VEGFC: variants seen among roughly 807,000 people sequenced by gnomAD.
The protein encoded by VEGFC is FLT4 ligand DHM.
A neutral mutation model predicts 46.1 loss-of-function variants in VEGFC; 12 were observed. The observed-to-expected ratio is 0.26, with a 90% CI of 0.17 to 0.42. The LOEUF is 0.42. Ranked by LOEUF, VEGFC falls within the 10% of genes least tolerant of loss-of-function variation. The pLI, the probability that VEGFC is intolerant of heterozygous loss-of-function variation, is 1.00. For missense variants in VEGFC, 488 were observed against 529.4 expected, an observed-to-expected ratio of 0.92 and a Z score of 0.77; for synonymous variants, 232 against 195.5, an observed-to-expected ratio of 1.19 and a Z score of -1.56.
intron 1 of VEGFC, among the ~76,000 whole-genome samples, chr4:176,787,154 A>C (rs1039978724): frequency 1.3e-5 from 2 of 152,160 alleles, no homozygotes; most frequent in Non-Finnish European, 2.9e-5. Context: ...TATAGCACCA[A>C]ATAATTTAAG....
intron 1 of VEGFC, among the ~76,000 whole-genome samples, chr4:176,757,716 T>C (rs761123718): frequency 1.3e-5 from 2 of 152,004 alleles, no homozygotes. Flanking sequence ...GTTTTCTCCA[T>C]TGTCTTTTTC....
At chr4:176,706,261 T>G (rs1734532426) in intron 4 of VEGFC, 1 of 141,542 alleles carries the variant, frequency 7.1e-6, no homozygotes, top group South Asian at 2.4e-4. Context: ...ACGTATAGTT[T>G]TTGGATGACT....
intron 4 of VEGFC, among the ~76,000 whole-genome samples, chr4:176,688,188 G>A (rs1339680450): frequency 1.3e-5 from 2 of 152,162 alleles, no homozygotes; most frequent in African/African-American, 4.8e-5. Context: ...ACATTGGTTT[G>A]TATAATCATA....
intron 3 of VEGFC, among the ~76,000 whole-genome samples, chr4:176,717,863 T>G (rs186954359): frequency 6.6e-6 from 1 of 152,252 alleles, no homozygotes; most frequent in African/African-American, 2.4e-5. Context: ...CATTTTGACT[T>G]AGCATTGCAA....
At chr4:176,763,538 T>C (rs1337912250) in intron 1 of VEGFC, among the ~76,000 whole-genome samples, 1 of 152,170 alleles carries the variant, frequency 6.6e-6, no homozygotes, top group Non-Finnish European at 1.5e-5. Context: ...GGACTGGTAG[T>C]ATTTTATTTT....
intron 4 of VEGFC, among the ~76,000 whole-genome samples, chr4:176,688,834 C>T (rs960882535): frequency 6.6e-6 from 1 of 152,170 alleles, no homozygotes; most frequent in Non-Finnish European, 1.5e-5. Context: ...CTCCTCCACA[C>T]CTGGCATCAG....
At chr4:176,728,983 G>A (rs1346236848) in intron 2 of VEGFC, among the ~76,000 whole-genome samples, 1 of 152,032 alleles carries the variant, frequency 6.6e-6, no homozygotes, top group Non-Finnish European at 1.5e-5. Flanking sequence ...TTACAGACAT[G>A]AACCTCTGTG....
intron 4 of VEGFC, among the ~76,000 whole-genome samples, chr4:176,710,743 T>C (rs1734607588): frequency 6.6e-6 from 1 of 152,094 alleles, no homozygotes; most frequent in South Asian, 2.1e-4. Flanking sequence ...CAGAAAACTC[T>C]CAGATCTTAG....
chr4:176,688,079 T>C lies in VEGFC; in HGVS notation c.705-152A>G, dbSNP rs1734079053. The C allele has an allele frequency of 1.3e-4, 68 of 535,066 alleles. No individual in the cohort carries two copies. The East Asian group carries it at 2.1e-3, about 17-fold the overall frequency. 33.1% of individuals were successfully genotyped at this position (535,066 alleles called of 1,614,324 possible). On this transcript the variant is annotated intron_variant, in intron 4 of 6. Coordinates refer to ENST00000618562, the MANE Select transcript of VEGFC (RefSeq NM_005429.5). Reference sequence around the variant, plus strand: ...AATGTGAATGTTTTCTCCCAAACTCTCTCTACCCACAACTGCTATAAAATT... The same window carrying C: ...AATGTGAATGTTTTCTCCCAAACTCCCTCTACCCACAACTGCTATAAAATT...
At chr4:176,724,076 G>C (rs530945911) in intron 3 of VEGFC, among the ~76,000 whole-genome samples, 2 of 152,110 alleles carry the variant, frequency 1.3e-5, no homozygotes, top group Non-Finnish European at 2.9e-5. Context: ...TTCCTCTCCA[G>C]AAACAGATAT....
In VEGFC at chr4:176,719,831, C is replaced by T. The variant is rs1457511745; in HGVS notation, c.552+7947G>A. On this transcript the variant is annotated intron_variant, in intron 3 of 6. Coordinates refer to ENST00000618562, the MANE Select transcript of VEGFC (RefSeq NM_005429.5). ...ATCCCAGCACATTGGGTGGCCGAGGCGAGTGGATCACTTGAAGTCAGGAGT... is the reference window on the plus strand; with the variant it reads ...ATCCCAGCACATTGGGTGGCCGAGGTGAGTGGATCACTTGAAGTCAGGAGT... 2.6e-5 allele frequency among the ~76,000 whole-genome samples: 4 copies of T among 152,180 alleles called. No homozygotes were observed. The South Asian group carries it at 6.2e-4, about 24-fold the overall frequency.
chr4:176,786,990 G>A (rs1246133115), intron 1 of VEGFC, among the ~76,000 whole-genome samples: 4 of 152,074 alleles, frequency 2.6e-5, no homozygotes, highest in African/African-American at 9.7e-5. Flanking sequence ...GAAACCAAGT[G>A]CATAGACATA....
intron 1 of VEGFC, among the ~76,000 whole-genome samples, chr4:176,753,504 G>A (rs186940387): frequency 6.6e-6 from 1 of 152,064 alleles, no homozygotes; most frequent in East Asian, 1.9e-4. Context: ...CAAACATAAA[G>A]ACATACAGAA....
intron 1 of VEGFC, among the ~76,000 whole-genome samples, chr4:176,742,303 T>C (rs1330068750): frequency 6.6e-6 from 1 of 152,096 alleles, no homozygotes; most frequent in East Asian, 1.9e-4. Flanking sequence ...ATGGTGTGTA[T>C]GTACCACATT....
chr4:176,769,425 AAC>A (rs1282101315), intron 1 of VEGFC, among the ~76,000 whole-genome samples: 6 of 152,294 alleles, frequency 3.9e-5, no homozygotes, highest in Non-Finnish European at 7.4e-5. Flanking sequence ...AAGCTCACAG[AAC>A]AGAGAAGTTC....
intron 1 of VEGFC, among the ~76,000 whole-genome samples, chr4:176,783,625 C>T (rs1735950023): frequency 6.6e-6 from 1 of 152,134 alleles, no homozygotes; most frequent in Non-Finnish European, 1.5e-5. Context: ...CATAAGGAGA[C>T]AGCATCATCC....
At chr4:176,770,979 T>TACACACACACACACACACACAC (rs148140472) in intron 1 of VEGFC, among the ~76,000 whole-genome samples, 3 of 148,412 alleles carry the variant, frequency 2.0e-5, no homozygotes, top group African/African-American at 7.5e-5. Flanking sequence ...AAGTAACTGA[T>TACACACACACACACACACACAC]ACACACACAC....
intron 1 of VEGFC, among the ~76,000 whole-genome samples, chr4:176,741,670 T>C (rs1423776832): frequency 6.6e-6 from 1 of 152,124 alleles, no homozygotes; most frequent in Admixed American, 6.6e-5. Context: ...ATTGAAATGT[T>C]TGGTGCAACT....
chr4:176,787,801 A>G (rs1307533837), intron 1 of VEGFC, among the ~76,000 whole-genome samples: 1 of 152,200 alleles, frequency 6.6e-6, no homozygotes, highest in African/African-American at 2.4e-5. Flanking sequence ...TATTTATAGT[A>G]AATTTTATAA....
Sources: gnomAD v4.1 joint callset for allele counts (sites outside exome capture counted in the v4.1 genomes callset) on GRCh38, gnomAD v4.1.1 for gene constraint, MANE v1.5 for transcripts, NCBI Gene and HGNC (gene_info 2026-07-23, HGNC 2026-07-21) for gene names.